The following SRGAP1 variants were observed in gnomAD, a reference collection of about 807,000 sequenced individuals.
SRGAP1 encodes the protein SLIT-ROBO Rho GTPase activating protein 1.
SRGAP1 carries 43 observed loss-of-function variants against 121.9 expected under a neutral mutation model. The ratio of observed to expected loss-of-function variants is 0.35; its 90% CI spans 0.28 to 0.46. SRGAP1 has a LOEUF of 0.46. Among genes scored for constraint, SRGAP1 ranks in the 20% least tolerant of loss-of-function variants. SRGAP1 has a pLI of 1.00. For synonymous variants in SRGAP1, 447 were observed against 485.4 expected (o/e 0.92, Z 1.04); for missense variants, 1,102 against 1,350.9 (o/e 0.82, Z 2.89).
At chr12:64,077,657 TAATA>T (rs927277580) in intron 8 of SRGAP1, among the ~76,000 whole-genome samples, 1 of 151,888 alleles carries the variant, frequency 6.6e-6, no homozygotes, top group Non-Finnish European at 1.5e-5. Context: ...ACTAGGAGAT[TAATA>T]AATAAATAAG....
At chr12:64,097,172 A>C (rs1305603249) in intron 14 of SRGAP1, 69 bp from the exon 15 acceptor site, 13 of 1,482,712 alleles carry the variant, frequency 8.8e-6, no homozygotes, top group Non-Finnish European at 1.2e-5. Flanking sequence ...GTGTATGTTC[A>C]TAGAAATATA....
At chr12:63,997,129 G>C (rs1183873328) in intron 3 of SRGAP1, among the ~76,000 whole-genome samples, 1 of 152,020 alleles carries the variant, frequency 6.6e-6, no homozygotes, top group Non-Finnish European at 1.5e-5. Flanking sequence ...TAACACAATG[G>C]TAAGTATTTG....
chr12:64,041,398 T>TA (rs78069639), intron 4 of SRGAP1, among the ~76,000 whole-genome samples: 38,884 of 116,906 alleles, frequency 0.33, 6,476 homozygotes, highest in Non-Finnish European at 0.43. Context: ...TTTATTTATT[T>TA]TTTTGAGGCA....
intron 1 of SRGAP1, among the ~76,000 whole-genome samples, chr12:63,980,753 C>T (rs113831330): frequency 0.043 from 6,482 of 151,968 alleles, 180 homozygotes; most frequent in Middle Eastern, 0.075. Flanking sequence ...GCCACCACTC[C>T]CGGCTAATTT....
At chr12:63,919,078 G>A (rs73113985) in intron 1 of SRGAP1, among the ~76,000 whole-genome samples, 1,895 of 152,146 alleles carry the variant, frequency 0.012, 24 homozygotes, top group Middle Eastern at 0.068. Context: ...TTAGAGACAG[G>A]ATCTTGCTCT....
rs2037104134 is a variant in SRGAP1, at chr12:64,150,319, G to T, written c.*7647G>T. The T allele has an allele frequency of 6.6e-6, 1 of 152,150 alleles. No homozygotes were observed. 9.4% of individuals were successfully genotyped at this position (152,150 alleles called of 1,614,324 possible). The stretch of plus-strand genomic sequence containing the variant: ...ATCCAATTCTGGCGACTTATGGATG[G>T]ATCCTTCACACCCAACAGCTGTCTA... On this transcript the variant is annotated 3_prime_UTR_variant, in exon 22 of 22. Coordinates refer to ENST00000355086, the MANE Select transcript of SRGAP1 (RefSeq NM_020762.4).
At chr12:63,893,484 A>T (rs1419096839) in intron 1 of SRGAP1, among the ~76,000 whole-genome samples, 1 of 152,208 alleles carries the variant, frequency 6.6e-6, no homozygotes, top group Non-Finnish European at 1.5e-5. Flanking sequence ...ATCTGATTTT[A>T]TAGTTTTAAG....
intron 6 of SRGAP1, among the ~76,000 whole-genome samples, chr12:64,051,161 C>T (rs1238523374): frequency 6.6e-6 from 1 of 152,160 alleles, no homozygotes; most frequent in Non-Finnish European, 1.5e-5. Flanking sequence ...TTGAACTTTA[C>T]ATAAAGGCCT....
At chr12:64,136,794 T>C (rs113834784) in intron 21 of SRGAP1, among the ~76,000 whole-genome samples, 266 of 152,294 alleles carry the variant, frequency 1.7e-3, no homozygotes, top group African/African-American at 6.1e-3. Context: ...ACCAGCAATA[T>C]TTTACTATAG....
In SRGAP1 at chr12:64,115,852, T is replaced by C; in HGVS notation, c.2183T>C (p.Val728Ala). The C allele has an allele frequency of 6.2e-7, 1 of 1,613,716 alleles. No homozygotes were observed. ...AGTGAGCACGGTACATTGGAGGAAG[T>C]GGACCAAGATGCTGGTACAGAGCCC... ...PYSEHGTLEE[V>A]DQDAGTEPHT... is the part of the protein sequence containing the mutation. Residue 728 changes from valine to alanine, a missense_variant, in exon 18 of 22, where the codon GTG becomes GCG. Val to Ala is a moderately conservative substitution (Grantham distance 64). Transcript: ENST00000355086.
chr12:63,980,712 G>A lies in SRGAP1; in HGVS notation c.68-3235G>A, dbSNP rs973007328. On this transcript the variant is annotated intron_variant, in intron 1 of 21. Transcript: ENST00000355086. ...GGGTTCAAGCAATTCTCGGGACTCAGACTCCCGAGTAGCTGGGATTATAGG... is the reference window on the plus strand; with the variant it reads ...GGGTTCAAGCAATTCTCGGGACTCAAACTCCCGAGTAGCTGGGATTATAGG... Among the ~76,000 whole-genome samples the A allele has an allele frequency of 5.3e-5, 8 of 151,844 alleles. No homozygotes were observed. The South Asian group carries it at 1.7e-3, about 32-fold the overall frequency.
intron 1 of SRGAP1, among the ~76,000 whole-genome samples, chr12:63,955,838 C>G (rs546182189): frequency 1.1e-4 from 16 of 151,954 alleles, no homozygotes; most frequent in Non-Finnish European, 1.9e-4. Flanking sequence ...TGAGCAAATT[C>G]TTTTCTTTTA....
At chr12:63,883,443 A>T (rs1900261060) in intron 1 of SRGAP1, among the ~76,000 whole-genome samples, 1 of 152,214 alleles carries the variant, frequency 6.6e-6, no homozygotes, top group South Asian at 2.1e-4. Context: ...CACATCTCAT[A>T]GCAAATGTTC....
intron 1 of SRGAP1, among the ~76,000 whole-genome samples, chr12:63,971,513 G>T (rs2032946806): frequency 6.6e-6 from 1 of 152,144 alleles, no homozygotes; most frequent in Non-Finnish European, 1.5e-5. Context: ...GCAGGTAAAA[G>T]CTGGATGTTT....
At chr12:64,006,690 G>T (rs1476236130) in intron 3 of SRGAP1, among the ~76,000 whole-genome samples, 3 of 152,120 alleles carry the variant, frequency 2.0e-5, no homozygotes, top group African/African-American at 7.2e-5. Flanking sequence ...TATCATGTGA[G>T]TTGTGGCCAG....
rs114863881 is a variant in SRGAP1, at chr12:63,957,833, T to C, written c.68-26114T>C. 2.0e-3 allele frequency among the ~76,000 whole-genome samples: 299 copies of C among 152,262 alleles called. 2 individuals are homozygous for C. The highest frequency in any genetic ancestry group is 6.9e-3 in the African/African-American group (286 of 41,554). On this transcript the variant is annotated intron_variant, in intron 1 of 21. Transcript: ENST00000355086. ...ATTTGCTTTTCCCTTCCTTTGTGCA[T>C]GATTTAATCTCAAATGAGATGAGTG...
chr12:63,897,836 G>A (rs1170449036), intron 1 of SRGAP1, among the ~76,000 whole-genome samples: 1 of 152,106 alleles, frequency 6.6e-6, no homozygotes, highest in Admixed American at 6.6e-5. Flanking sequence ...TGGATTTGGG[G>A]GAGGGAGATA....
chr12:64,132,905 C>A (rs1383763625), intron 21 of SRGAP1, among the ~76,000 whole-genome samples: 1 of 152,236 alleles, frequency 6.6e-6, no homozygotes, highest in African/African-American at 2.4e-5. Context: ...TTCTGGTGGG[C>A]CTTATGGACA....
intron 1 of SRGAP1, among the ~76,000 whole-genome samples, chr12:63,957,239 G>T (rs530485614): frequency 2.0e-5 from 3 of 152,168 alleles, no homozygotes; most frequent in African/African-American, 7.2e-5. Flanking sequence ...ACAGGCCGGG[G>T]TCCTCACCAT....
Sources: gnomAD v4.1 joint callset for allele counts (sites outside exome capture counted in the v4.1 genomes callset) on GRCh38, gnomAD v4.1.1 for gene constraint, MANE v1.5 for transcripts, NCBI Gene and HGNC (gene_info 2026-07-23, HGNC 2026-07-21) for gene names.